NAALADL2: variants seen among roughly 807,000 people sequenced by gnomAD.
NAALADL2 encodes inactive N-acetylated-alpha-linked acidic dipeptidase-like protein 2.
A neutral mutation model predicts 87.2 loss-of-function variants in NAALADL2; 76 were observed. The ratio of observed to expected loss-of-function variants is 0.87; its 90% CI spans 0.72 to 1.05. NAALADL2 has a LOEUF of 1.05. Ranked by LOEUF, NAALADL2 falls within the 50% of genes least tolerant of loss-of-function variation. The pLI, the probability that NAALADL2 is intolerant of heterozygous loss-of-function variation, is 0.00. For missense variants in NAALADL2, 1,089 were observed against 945.8 expected, an observed-to-expected ratio of 1.15 and a Z score of -1.99; for synonymous variants, 354 against 331.0, an observed-to-expected ratio of 1.07 and a Z score of -0.75.
At chr3:175,077,429 G>A (rs1339438623) in intron 1 of NAALADL2, among the ~76,000 whole-genome samples, 1 of 152,098 alleles carries the variant, frequency 6.6e-6, no homozygotes, top group Non-Finnish European at 1.5e-5. Flanking sequence ...TTTTTTCCGT[G>A]TATGCTAGCC....
intron 1 of NAALADL2, among the ~76,000 whole-genome samples, chr3:174,936,712 T>G (rs991904989): frequency 6.6e-6 from 1 of 152,100 alleles, no homozygotes; most frequent in Admixed American, 6.6e-5. Context: ...AAAGTCTGAC[T>G]CTCTAGAGCA....
intron 1 of NAALADL2, among the ~76,000 whole-genome samples, chr3:174,475,711 A>G (rs535862721): frequency 6.6e-6 from 1 of 152,158 alleles, no homozygotes; most frequent in East Asian, 1.9e-4. Context: ...ATTCAAGTTT[A>G]GGAATAAAAC....
At chr3:174,658,900 C>T (rs977488216) in intron 2 of NAALADL2, among the ~76,000 whole-genome samples, 4 of 152,066 alleles carry the variant, frequency 2.6e-5, no homozygotes, top group Admixed American at 2.0e-4. Flanking sequence ...GCAGTCTTAG[C>T]GTCGACATCA....
chr3:174,505,446 G>C (rs141012580), intron 1 of NAALADL2, among the ~76,000 whole-genome samples: 1 of 152,334 alleles, frequency 6.6e-6, no homozygotes, highest in Non-Finnish European at 1.5e-5. Context: ...GAAAATGCCA[G>C]AGAAGGTTTA....
intron 3 of NAALADL2, among the ~76,000 whole-genome samples, chr3:174,849,564 G>C (rs1038678201): frequency 6.6e-6 from 1 of 151,698 alleles, no homozygotes; most frequent in Non-Finnish European, 1.5e-5. Context: ...GGGAAACCCC[G>C]TATCTACTAA....
intron 1 of NAALADL2, among the ~76,000 whole-genome samples, chr3:175,004,011 G>A (rs1233748373): frequency 6.6e-6 from 1 of 152,112 alleles, no homozygotes; most frequent in Non-Finnish European, 1.5e-5. Context: ...CCCAGTTCCA[G>A]GACCCTCACC....
intron 13 of NAALADL2, among the ~76,000 whole-genome samples, chr3:175,765,912 A>G (rs1397281865): frequency 6.6e-6 from 1 of 152,152 alleles, no homozygotes. Flanking sequence ...AACATGCGGC[A>G]GAAATGGGAT....
chr3:174,770,451 C>A (rs1714388368), intron 3 of NAALADL2, among the ~76,000 whole-genome samples: 1 of 152,086 alleles, frequency 6.6e-6, no homozygotes, highest in Admixed American at 6.6e-5. Context: ...GATTGGTAAT[C>A]TTTTATAGGT....
chr3:174,944,355 CT>C (rs1489810641), intron 1 of NAALADL2, among the ~76,000 whole-genome samples: 1 of 152,140 alleles, frequency 6.6e-6, no homozygotes, highest in Non-Finnish European at 1.5e-5. Flanking sequence ...CCTTCTGCCC[CT>C]GGTCAGCTTG....
chr3:175,206,937 G>A (rs1041511155), intron 2 of NAALADL2, among the ~76,000 whole-genome samples: 2 of 152,078 alleles, frequency 1.3e-5, no homozygotes, highest in Non-Finnish European at 2.9e-5. Context: ...GGACAAAGTG[G>A]TAAAATGAAG....
chr3:175,132,570 C>T lies in NAALADL2; in HGVS notation c.545+35279C>T, dbSNP rs1449752138. On this transcript the variant is annotated intron_variant, in intron 2 of 13. Coordinates refer to ENST00000454872, the MANE Select transcript of NAALADL2 (RefSeq NM_207015.3). Reference sequence around the variant, plus strand: ...TGGCCGGGCGGGGGGGCTGACCCCCCCACCTCCCTCCCAGACGGGGCGGCT... The same window carrying T: ...TGGCCGGGCGGGGGGGCTGACCCCCTCACCTCCCTCCCAGACGGGGCGGCT... Among the ~76,000 whole-genome samples the T allele has an allele frequency of 2.9e-5, 3 of 101,822 alleles. No homozygotes were observed. The East Asian group carries it at 1.2e-3, about 40-fold the overall frequency. The allele number at this position is 101,822 out of a possible 152,430, so 66.8% of individuals were successfully genotyped here.
intron 13 of NAALADL2, among the ~76,000 whole-genome samples, chr3:175,762,313 G>A (rs1241955650): frequency 6.8e-6 from 1 of 147,232 alleles, no homozygotes; most frequent in East Asian, 2.0e-4. Flanking sequence ...TGCTTTTTGT[G>A]ATTAGCATCT....
intron 2 of NAALADL2, among the ~76,000 whole-genome samples, chr3:174,569,085 C>T (rs1276025982): frequency 6.6e-6 from 1 of 151,382 alleles, no homozygotes; most frequent in East Asian, 1.9e-4. Context: ...CAAAATATGT[C>T]GTACTTGTTT....
intron 9 of NAALADL2, among the ~76,000 whole-genome samples, chr3:175,482,677 C>A (rs1726662291): frequency 6.6e-6 from 1 of 151,766 alleles, no homozygotes; most frequent in African/African-American, 2.4e-5. Context: ...TTTTCTCTAA[C>A]CTACTAATTT....
intron 11 of NAALADL2, among the ~76,000 whole-genome samples, chr3:175,677,479 GTGTGT>G (rs1734968222): frequency 7.8e-5 from 1 of 12,806 alleles, no homozygotes; most frequent in Admixed American, 1.7e-3. Context: ...GTATAATGGG[GTGTGT>G]GTGTGTGTGT....
chr3:175,453,165 T>G (rs1288949450), intron 6 of NAALADL2, among the ~76,000 whole-genome samples: 1 of 152,190 alleles, frequency 6.6e-6, no homozygotes, highest in Non-Finnish European at 1.5e-5. Context: ...GCATATCATT[T>G]TTCAAATACC....
Position 175,508,293 on chromosome 3 carries a change from A to G in NAALADL2, c.1653+36535A>G, listed in dbSNP as rs140944088. ...GAGATTTGGTGGGGACACACATTCC[A>G]ACTATATCACTCTACTTGGGTGATC... On this transcript the variant is annotated intron_variant, in intron 9 of 13. Transcript: ENST00000454872. 4.7e-3 allele frequency among the ~76,000 whole-genome samples: 714 copies of G among 152,280 alleles called. 7 individuals are homozygous for G. Among genetic ancestry groups the G allele is most frequent in the African/African-American group, 0.016 (668 of 41,554 alleles).
chr3:174,772,695 C>A (rs1203561029), intron 3 of NAALADL2, among the ~76,000 whole-genome samples: 1 of 152,002 alleles, frequency 6.6e-6, no homozygotes, highest in African/African-American at 2.4e-5. Flanking sequence ...ATGAAGTCTG[C>A]GTTCTGGTAT....
At chr3:174,720,342 T>TTAAATAA (rs1274052017) in intron 2 of NAALADL2, among the ~76,000 whole-genome samples, 2 of 152,180 alleles carry the variant, frequency 1.3e-5, no homozygotes, top group Non-Finnish European at 2.9e-5. Flanking sequence ...TGGCCATTAA[T>TTAAATAA]TAAATATTTC....
Sources: allele counts gnomAD v4.1 joint callset (sites outside exome capture counted in the v4.1 genomes callset), GRCh38; gene constraint gnomAD v4.1.1; transcripts MANE v1.5; gene names NCBI Gene and HGNC (gene_info 2026-07-23, HGNC 2026-07-21).